Variants in NLGN1 observed in about 807,000 individuals in gnomAD.
NLGN1 encodes the protein neuroligin-1.
NLGN1 carries 12 observed loss-of-function variants against 65.5 expected under a neutral mutation model. That is an observed-to-expected ratio of 0.18 (90% CI 0.12 to 0.30). The LOEUF is 0.30. Ranked by LOEUF, NLGN1 falls within the 10% of genes least tolerant of loss-of-function variation. The pLI is 1.00. For synonymous variants in NLGN1, 350 were observed against 359.5 expected, an observed-to-expected ratio of 0.97 and a Z score of 0.30; for missense variants, 750 against 1,007.1, an observed-to-expected ratio of 0.74 and a Z score of 3.46.
At chr3:173,928,770 C>T (rs2152280311) in intron 4 of NLGN1, among the ~76,000 whole-genome samples, 1 of 150,140 alleles carries the variant, frequency 6.7e-6, no homozygotes. Context: ...CTCCTGGGTT[C>T]AAGAGATTCT....
chr3:173,468,360 G>A (rs999119880), intron 2 of NLGN1, among the ~76,000 whole-genome samples: 2 of 151,958 alleles, frequency 1.3e-5, no homozygotes, highest in Non-Finnish European at 2.9e-5. Flanking sequence ...TTCTGGGATG[G>A]TATATATAAA....
chr3:174,163,490 T>TCAA (rs1459202409), intron 4 of NLGN1, among the ~76,000 whole-genome samples: 1 of 152,004 alleles, frequency 6.6e-6, no homozygotes, highest in Non-Finnish European at 1.5e-5. Context: ...TACCTGGGTA[T>TCAA]ATTGTGTGAT....
At chr3:174,088,758 AAATAAAT>A (rs1743933370) in intron 4 of NLGN1, among the ~76,000 whole-genome samples, 2 of 48,408 alleles carry the variant, frequency 4.1e-5, no homozygotes, top group Non-Finnish European at 8.7e-5. Context: ...ATCTCAATAA[AAATAAAT>A]AAATAAATAA....
At chr3:174,083,018 T>A (rs912451225) in intron 4 of NLGN1, among the ~76,000 whole-genome samples, 5 of 152,340 alleles carry the variant, frequency 3.3e-5, no homozygotes, top group African/African-American at 1.2e-4. Flanking sequence ...TGAGCCACCA[T>A]GCCTGGCCCT....
chr3:173,724,874 T>C (rs1375478140), intron 3 of NLGN1, among the ~76,000 whole-genome samples: 1 of 152,188 alleles, frequency 6.6e-6, no homozygotes, highest in Non-Finnish European at 1.5e-5. Flanking sequence ...TGAGTTCATG[T>C]CCTTTGTAGG....
rs181454544 is a variant in NLGN1 at position 173,846,968 on chromosome 3, A to C, written c.646+39136A>C. On this transcript the variant is annotated intron_variant, in intron 4 of 6. Coordinates refer to ENST00000457714, the Ensembl canonical transcript of NLGN1. The stretch of plus-strand genomic sequence containing the variant: ...GTAAATATCTCCTTGATGTATCAAT[A>C]GTTAAAACATTTTTAAAGCCTTGTT... Among the ~76,000 whole-genome samples the C allele has an allele frequency of 2.1e-3, 316 of 152,348 alleles. 3 individuals are homozygous for C. The highest frequency in any genetic ancestry group is 6.8e-3 in the Middle Eastern group (2 of 294).
At chr3:174,254,306 A>ATTTTT (rs371427726) in intron 4 of NLGN1, among the ~76,000 whole-genome samples, 43 of 113,760 alleles carry the variant, frequency 3.8e-4, no homozygotes, top group African/African-American at 1.2e-3. Context: ...GTCCTTTTTA[A>ATTTTT]TTTTTTTTTT....
intron 3 of NLGN1, among the ~76,000 whole-genome samples, chr3:173,682,277 TTG>T (rs1259852651): frequency 3.9e-4 from 60 of 152,138 alleles, no homozygotes; most frequent in East Asian, 3.9e-4. Context: ...CTTTATGAAG[TTG>T]TCTTTGCCCA....
At chr3:174,063,441 A>G (rs578257853) in intron 4 of NLGN1, among the ~76,000 whole-genome samples, 1 of 152,186 alleles carries the variant, frequency 6.6e-6, no homozygotes, top group African/African-American at 2.4e-5. Context: ...ATCAATTTTG[A>G]GATAAATAGA....
chr3:173,608,246 T>C (rs1264174074), intron 3 of NLGN1, among the ~76,000 whole-genome samples: 1 of 151,906 alleles, frequency 6.6e-6, no homozygotes. Flanking sequence ...CGGGTCCCAG[T>C]TGTACTTTTT....
At chr3:174,174,869 G>T (rs942472352) in intron 4 of NLGN1, among the ~76,000 whole-genome samples, 91 of 151,962 alleles carry the variant, frequency 6.0e-4, no homozygotes, top group African/African-American at 2.0e-3. Flanking sequence ...TTTGTTTCAA[G>T]AAATTTTTCA....
chr3:173,999,714 T>C (rs1300687951), intron 4 of NLGN1, among the ~76,000 whole-genome samples: 1 of 152,096 alleles, frequency 6.6e-6, no homozygotes, highest in Non-Finnish European at 1.5e-5. Context: ...TATACCACAT[T>C]TTGCCCAAAG....
At chr3:173,985,422 AC>A (rs1193354615) in intron 4 of NLGN1, among the ~76,000 whole-genome samples, 1 of 152,108 alleles carries the variant, frequency 6.6e-6, no homozygotes, top group Admixed American at 6.5e-5. Flanking sequence ...GGCCAAGAGA[AC>A]TTTTATCTTG....
At chr3:174,209,171 G>A (rs1243817945) in intron 4 of NLGN1, among the ~76,000 whole-genome samples, 6 of 152,006 alleles carry the variant, frequency 3.9e-5, no homozygotes, top group African/African-American at 1.5e-4. Flanking sequence ...CAATTCACCC[G>A]CTTCAGTCTC....
intron 3 of NLGN1, among the ~76,000 whole-genome samples, chr3:173,680,079 A>C (rs1033646006): frequency 1.3e-5 from 2 of 152,158 alleles, no homozygotes; most frequent in African/African-American, 4.8e-5. Flanking sequence ...GGAAAAGTGA[A>C]TATGTTAAGG....
intron 4 of NLGN1, among the ~76,000 whole-genome samples, chr3:174,049,620 A>G (rs1442712421): frequency 6.6e-6 from 1 of 152,128 alleles, no homozygotes; most frequent in Non-Finnish European, 1.5e-5. Context: ...TTTCTTACTT[A>G]GTAAAAATGG....
chr3:173,785,713 A>G (rs146116862), intron 3 of NLGN1, among the ~76,000 whole-genome samples: 3 of 152,156 alleles, frequency 2.0e-5, no homozygotes, highest in Non-Finnish European at 4.4e-5. Context: ...GTGTTTATCT[A>G]TAAGAGTGTA....
chr3:173,673,675 A>G (rs1762749920), intron 3 of NLGN1, among the ~76,000 whole-genome samples: 1 of 152,208 alleles, frequency 6.6e-6, no homozygotes. Context: ...TTAATGTTAT[A>G]CAACTAAACA....
At chr3:174,193,341 A>T (rs760927673) in intron 4 of NLGN1, among the ~76,000 whole-genome samples, 1 of 152,086 alleles carries the variant, frequency 6.6e-6, no homozygotes, top group Non-Finnish European at 1.5e-5. Context: ...TCTCTACCTC[A>T]AAAGCTTTTC....
Sources: gnomAD v4.1 joint callset for allele counts (sites outside exome capture counted in the v4.1 genomes callset) on GRCh38, gnomAD v4.1.1 for gene constraint, MANE v1.5 for transcripts, NCBI Gene and HGNC (gene_info 2026-07-23, HGNC 2026-07-21) for gene names.